The following RALGPS1 variants were observed in gnomAD, a reference collection of about 807,000 sequenced individuals.
The protein encoded by RALGPS1 is Ral GEF with PH domain and SH3 binding motif 1, also known as ras-specific guanine nucleotide-releasing factor RalGPS1.
RALGPS1 carries 19 observed loss-of-function variants against 78.8 expected under a neutral mutation model. The observed-to-expected ratio is 0.24, with a 90% CI of 0.17 to 0.35. The LOEUF (loss-of-function observed/expected upper bound fraction) is 0.35. RALGPS1 is among the 10% of genes least tolerant of loss of function. The pLI is 1.00. For synonymous variants in RALGPS1, 228 were observed against 256.3 expected, an observed-to-expected ratio of 0.89 and a Z score of 1.06; for missense variants, 454 against 688.3, an observed-to-expected ratio of 0.66 and a Z score of 3.81.
rs144120074 is a variant in RALGPS1 at position 127,076,031 on chromosome 9, G to A, written c.610+6675G>A. Reference sequence around the variant, plus strand: ...ATTTTAAAAATACTGAGGGAAAAATGTATTACATTTATAAAATAAGACTCT... The same window carrying A: ...ATTTTAAAAATACTGAGGGAAAAATATATTACATTTATAAAATAAGACTCT... On this transcript the variant is annotated intron_variant, in intron 8 of 18. Transcript: ENST00000259351. 1.5e-3 allele frequency among the ~76,000 whole-genome samples: 224 copies of A among 152,284 alleles called. 1 individual carries two copies. Among genetic ancestry groups the A allele is most frequent in the Middle Eastern group, 0.014 (4 of 294 alleles).
chr9:127,169,264 C>T (rs2059445312), intron 10 of RALGPS1, among the ~76,000 whole-genome samples: 1 of 152,178 alleles, frequency 6.6e-6, no homozygotes, highest in South Asian at 2.1e-4. Context: ...CCTTATAACT[C>T]TCAGCTCTCT....
At chr9:127,217,604 C>A in intron 18 of RALGPS1, 1 of 229,998 alleles carries the variant, frequency 4.3e-6, no homozygotes, top group Non-Finnish European at 7.2e-6. Flanking sequence ...ATGAGCCTAA[C>A]AGCAGAGCCA....
chr9:127,164,627 C>T (rs960653933), intron 8 of RALGPS1, among the ~76,000 whole-genome samples: 6 of 150,310 alleles, frequency 4.0e-5, no homozygotes, highest in Admixed American at 2.0e-4. Context: ...GCAGCCTCCA[C>T]CTCCTGGGCT....
chr9:126,962,057 C>T lies in RALGPS1; in HGVS notation c.-65-168C>T, dbSNP rs150095613. On this transcript the variant is annotated intron_variant, in intron 1 of 18. Coordinates refer to ENST00000259351, the MANE Select transcript of RALGPS1 (RefSeq NM_014636.3). ...AAAATATTAATACCCTGTACAAGCC[C>T]ATCAAACTGTATCTGTGGGCCATAG... is the stretch of plus-strand genomic sequence containing the variant. Among the ~76,000 whole-genome samples, 278 of 152,284 alleles carry T rather than the reference C, an allele frequency of 1.8e-3. 1 individual carries two copies. The highest frequency in any genetic ancestry group is 3.1e-3 in the Non-Finnish European group (208 of 68,030).
intron 5 of RALGPS1, among the ~76,000 whole-genome samples, chr9:127,035,583 C>T (rs1245735524): frequency 1.3e-5 from 2 of 152,152 alleles, no homozygotes; most frequent in East Asian, 3.8e-4. Flanking sequence ...TGGGCCCTCT[C>T]TCCAGCTGGG....
intron 8 of RALGPS1, among the ~76,000 whole-genome samples, chr9:127,141,023 A>AC (rs139914253): frequency 1.7e-4 from 26 of 152,300 alleles, no homozygotes; most frequent in African/African-American, 5.8e-4. Context: ...AAGACCAGGC[A>AC]CCAAAGGGAG....
intron 9 of RALGPS1, 67 bp from the exon 10 acceptor site, chr9:127,168,612 T>C: frequency 9.2e-7 from 1 of 1,086,502 alleles, no homozygotes; most frequent in Non-Finnish European, 1.4e-6. Context: ...ATGATTTCTA[T>C]ACTTCTCATC....
chr9:126,994,171 C>A (rs991325848), intron 4 of RALGPS1, among the ~76,000 whole-genome samples: 1 of 152,130 alleles, frequency 6.6e-6, no homozygotes, highest in African/African-American at 2.4e-5. Flanking sequence ...CAGAACAAAG[C>A]TGGATGGAGA....
chr9:126,963,558 G>C (rs2039130201), intron 2 of RALGPS1, among the ~76,000 whole-genome samples: 1 of 152,202 alleles, frequency 6.6e-6, no homozygotes, highest in Admixed American at 6.5e-5. Context: ...ATGACTGAGT[G>C]ATACATTTAC....
intron 1 of RALGPS1, among the ~76,000 whole-genome samples, chr9:126,937,594 C>G (rs1348307604): frequency 6.6e-6 from 1 of 152,200 alleles, no homozygotes; most frequent in Non-Finnish European, 1.5e-5. Context: ...TTCCTTATAT[C>G]TTGCCACTCT....
intron 1 of RALGPS1, among the ~76,000 whole-genome samples, chr9:126,951,959 A>G (rs907069873): frequency 6.6e-6 from 1 of 152,260 alleles, no homozygotes; most frequent in African/African-American, 2.4e-5. Flanking sequence ...GCTGATAAGC[A>G]ACTTCAGCAA....
intron 17 of RALGPS1, 151 bp downstream of exon 17, chr9:127,213,200 C>T: frequency 7.0e-7 from 1 of 1,436,900 alleles, no homozygotes; most frequent in Non-Finnish European, 9.2e-7. Context: ...TGCTAGTCCA[C>T]AAAAGCTGCA....
intron 8 of RALGPS1, among the ~76,000 whole-genome samples, chr9:127,076,070 T>C (rs963304298): frequency 6.6e-6 from 1 of 152,216 alleles, no homozygotes; most frequent in Non-Finnish European, 1.5e-5. Context: ...AATCAAAAAG[T>C]TTCTTGCAGA....
chr9:127,106,491 A>G (rs1312719753), intron 8 of RALGPS1, among the ~76,000 whole-genome samples: 1 of 152,252 alleles, frequency 6.6e-6, no homozygotes, highest in Non-Finnish European at 1.5e-5. Flanking sequence ...TTCGTTTCCT[A>G]AAGTGACAGG....
At chr9:127,195,313 C>G in intron 12 of RALGPS1, 96 bp downstream of exon 12, 1 of 1,487,806 alleles carries the variant, frequency 6.7e-7, no homozygotes, top group Non-Finnish European at 9.1e-7. Flanking sequence ...TGGGTCCCTC[C>G]CCTGCCCTGT....
intron 17 of RALGPS1, among the ~76,000 whole-genome samples, chr9:127,213,478 T>C (rs1025504328): frequency 6.6e-6 from 1 of 152,214 alleles, no homozygotes; most frequent in South Asian, 2.1e-4. Context: ...AGAACCCTTT[T>C]AACTTCCCAA....
chr9:126,990,241 T>C (rs1322331803), intron 4 of RALGPS1: 1 of 507,904 alleles, frequency 2.0e-6, no homozygotes, highest in Non-Finnish European at 3.5e-6. Context: ...GGCAGTTTTC[T>C]CAGACCATCT....
chr9:127,079,095 C>T (rs1306224289), intron 8 of RALGPS1, among the ~76,000 whole-genome samples: 1 of 152,196 alleles, frequency 6.6e-6, no homozygotes, highest in Non-Finnish European at 1.5e-5. Context: ...TTCACCAGAA[C>T]AGGCCTTTAA....
intron 8 of RALGPS1, chr9:127,088,964 C>A: frequency 6.2e-7 from 1 of 1,614,144 alleles, no homozygotes; most frequent in Non-Finnish European, 8.5e-7. Flanking sequence ...GGGGTTCGGT[C>A]GGATCATCAT....
Sources: allele counts gnomAD v4.1 joint callset (sites outside exome capture counted in the v4.1 genomes callset), GRCh38; gene constraint gnomAD v4.1.1; transcripts MANE v1.5; gene names NCBI Gene and HGNC (gene_info 2026-07-23, HGNC 2026-07-21).